Variants in SLC30A8 observed in about 807,000 individuals in gnomAD.
The protein encoded by SLC30A8 is solute carrier family 30 member 8.
Under a neutral mutation model 36.9 loss-of-function variants are expected in SLC30A8, and 27 were observed. That is an observed-to-expected ratio of 0.73 (90% CI 0.54 to 1.01). SLC30A8 has a LOEUF of 1.01. SLC30A8 is among the 50% of genes least tolerant of loss of function. SLC30A8 has a pLI of 0.00. For synonymous variants in SLC30A8, 164 were observed against 172.4 expected (o/e 0.95, Z 0.38); for missense variants, 439 against 452.0 (o/e 0.97, Z 0.26).
intron 4 of SLC30A8, among the ~76,000 whole-genome samples, chr8:117,160,950 ACTG>A (rs781108381): frequency 1.3e-5 from 2 of 152,226 alleles, no homozygotes; most frequent in Non-Finnish European, 2.9e-5. Flanking sequence ...AAGGCAAAAC[ACTG>A]TTAGCTGTCA....
At chr8:116,990,880 TAAGTG>T (rs1482359699) in intron 1 of SLC30A8, among the ~76,000 whole-genome samples, 2 of 152,154 alleles carry the variant, frequency 1.3e-5, no homozygotes, top group Admixed American at 6.6e-5. Context: ...AACAACCAAA[TAAGTG>T]AATGAAACTT....
At chr8:117,021,593 G>A (rs534871942) in intron 1 of SLC30A8, among the ~76,000 whole-genome samples, 11 of 152,118 alleles carry the variant, frequency 7.2e-5, no homozygotes, top group East Asian at 1.9e-4. Context: ...TCAAGGCAGC[G>A]TCAGCAAAAA....
intron 2 of SLC30A8, among the ~76,000 whole-genome samples, chr8:117,091,881 C>T (rs999970637): frequency 6.6e-6 from 1 of 152,014 alleles, no homozygotes; most frequent in Non-Finnish European, 1.5e-5. Context: ...GCATTGTGCA[C>T]ATATATAGCA....
chr8:117,046,493 T>C (rs1353756723), intron 2 of SLC30A8, among the ~76,000 whole-genome samples: 1 of 152,184 alleles, frequency 6.6e-6, no homozygotes, highest in Non-Finnish European at 1.5e-5. Flanking sequence ...TTTAACTTAG[T>C]AAATAAATTA....
At chr8:116,963,985 AG>A (rs1441328613) in intron 1 of SLC30A8, among the ~76,000 whole-genome samples, 2 of 152,244 alleles carry the variant, frequency 1.3e-5, no homozygotes, top group South Asian at 4.1e-4. Flanking sequence ...GAAACGTTAA[AG>A]GCCTTCTGAA....
intron 2 of SLC30A8, among the ~76,000 whole-genome samples, chr8:117,048,651 A>G (rs760232618): frequency 2.4e-4 from 37 of 152,172 alleles, no homozygotes; most frequent in Admixed American, 7.9e-4. Context: ...GTTTAGTAGG[A>G]TGGCTCAATA....
intron 1 of SLC30A8, among the ~76,000 whole-genome samples, chr8:116,974,866 A>G (rs1318350612): frequency 3.9e-5 from 6 of 152,020 alleles, no homozygotes; most frequent in Admixed American, 3.9e-4. Flanking sequence ...CATAAAAAGG[A>G]TGAGTTCATG....
At chr8:117,134,332 G>A (rs114599550), upstream of SLC30A8, among the ~76,000 whole-genome samples, 322 of 152,098 alleles carry the variant, frequency 2.1e-3, 1 homozygote, top group African/African-American at 7.4e-3. Flanking sequence ...TTTCTCTACC[G>A]TTGTGTACAT....
At chr8:116,963,187 G>A (rs574772774) in intron 1 of SLC30A8, among the ~76,000 whole-genome samples, 44 of 152,164 alleles carry the variant, frequency 2.9e-4, no homozygotes, top group Middle Eastern at 6.8e-3. Context: ...CCCAAGGCCC[G>A]TGAGAACCCT....
Position 117,153,376 on chromosome 8 carries a change from C to T in SLC30A8, c.418+286C>T, listed in dbSNP as rs548045281. Among the ~76,000 whole-genome samples, 18 of 152,244 alleles carry T rather than the reference C, an allele frequency of 1.2e-4. No homozygotes were observed. The South Asian group carries it at 1.5e-3, about 12-fold the overall frequency. ...ACTCTGTGTATGGTGACAGACATAA[C>T]GCAATTCATTAAATTACTCTGCATC... On this transcript the variant is annotated intron_variant, in intron 3 of 7. Coordinates refer to ENST00000456015, the MANE Select transcript of SLC30A8 (RefSeq NM_173851.3).
At chr8:117,043,652 A>G (rs1817458962) in intron 2 of SLC30A8, among the ~76,000 whole-genome samples, 1 of 152,186 alleles carries the variant, frequency 6.6e-6, no homozygotes, top group African/African-American at 2.4e-5. Flanking sequence ...AAAATATAAT[A>G]CGGATAATAT....
intron 1 of SLC30A8, among the ~76,000 whole-genome samples, chr8:117,025,220 C>T (rs1422864113): frequency 6.6e-6 from 1 of 152,084 alleles, no homozygotes; most frequent in Non-Finnish European, 1.5e-5. Flanking sequence ...AACACTAGCT[C>T]CATAAGTTGT....
At chr8:117,117,644 G>A (rs886103198) in intron 2 of SLC30A8, among the ~76,000 whole-genome samples, 13 of 151,974 alleles carry the variant, frequency 8.6e-5, no homozygotes, top group African/African-American at 2.9e-4. Flanking sequence ...ATGTACAGAT[G>A]TCAGGAAAGA....
intron 1 of SLC30A8, among the ~76,000 whole-genome samples, chr8:117,036,717 C>T (rs144652149): frequency 7.6e-4 from 115 of 152,186 alleles, no homozygotes; most frequent in African/African-American, 2.7e-3. Flanking sequence ...AAACCACCCC[C>T]ATGATTCAAT....
chr8:116,998,192 C>A (rs914844139), intron 1 of SLC30A8, among the ~76,000 whole-genome samples: 2 of 152,138 alleles, frequency 1.3e-5, no homozygotes, highest in Non-Finnish European at 2.9e-5. Context: ...AAAAAGAAAG[C>A]TTAGCAGACA....
chr8:117,154,313 T>G (rs1822361593), intron 3 of SLC30A8, among the ~76,000 whole-genome samples: 1 of 151,414 alleles, frequency 6.6e-6, no homozygotes, highest in East Asian at 2.0e-4. Context: ...TTCTATCAGC[T>G]GGAGGAGGTT....
Position 117,161,741 on chromosome 8 carries a change from A to G in SLC30A8, c.576A>G (p.Leu192=). Residue 192 remains leucine (L), a synonymous_variant, in exon 5 of 8, where the codon CTA becomes CTG. Transcript: ENST00000456015. ...AGAACATTGTTCTCTCTTTCAGACTAACTGTGGTTTTGCACCAGAGATGCC... is the reference window on the plus strand; with the variant it reads ...AGAACATTGTTCTCTCTTTCAGACTGACTGTGGTTTTGCACCAGAGATGCC... The part of the protein sequence containing the change: ...SSCAVAANIV[L]TVVLHQRCLG... 6.2e-7 allele frequency: 1 copy of G among 1,613,242 alleles called. No homozygotes were observed. The highest frequency in any genetic ancestry group is 8.5e-7 in the Non-Finnish European group (1 of 1,179,392).
intron 2 of SLC30A8, among the ~76,000 whole-genome samples, chr8:117,097,861 TTA>T (rs1160140184): frequency 2.6e-5 from 1 of 37,968 alleles, no homozygotes; most frequent in African/African-American, 9.6e-5. Context: ...AATATATATA[TTA>T]TATATAATAT....
intron 1 of SLC30A8, among the ~76,000 whole-genome samples, chr8:116,957,978 A>T (rs73310293): frequency 0.028 from 4,277 of 152,196 alleles, 191 homozygotes; most frequent in African/African-American, 0.096. Flanking sequence ...TCCCCACAGG[A>T]TCTATGCCTC....
Sources: allele counts gnomAD v4.1 joint callset (sites outside exome capture counted in the v4.1 genomes callset), GRCh38; gene constraint gnomAD v4.1.1; transcripts MANE v1.5; gene names NCBI Gene and HGNC (gene_info 2026-07-23, HGNC 2026-07-21).